The following CR2 variants were observed in gnomAD, a reference collection of about 807,000 sequenced individuals.
The protein encoded by CR2 is complement receptor type 2.
In CR2, 96 loss-of-function variants were observed where a neutral mutation model predicts 123.0. The ratio of observed to expected loss-of-function variants is 0.78; its 90% CI spans 0.66 to 0.93. CR2 has a LOEUF of 0.93. Among genes scored for constraint, CR2 ranks in the 40% least tolerant of loss-of-function variants. The pLI is 0.00. For missense variants in CR2, 1,258 were observed against 1,361.0 expected (o/e 0.92, Z 1.19); for synonymous variants, 484 against 469.5 (o/e 1.03, Z -0.40).
chr1:207,477,852 GA>G, intron 15 of CR2, 32 bp from the exon 16 acceptor site: 1 of 1,606,672 alleles, frequency 6.2e-7, no homozygotes, highest in South Asian at 1.1e-5. Flanking sequence ...GCCAAAATAT[GA>G]CTGTGCTTGA....
chr1:207,483,555 G>GTTT (rs35426473), intron 18 of CR2, among the ~76,000 whole-genome samples: 2 of 151,158 alleles, frequency 1.3e-5, no homozygotes, highest in African/African-American at 4.9e-5. Flanking sequence ...ACTGCACACT[G>GTTT]TTTTTTTTTC....
chr1:207,478,525 C>CAAAAAAAAAAAAA (rs36116544), intron 16 of CR2, among the ~76,000 whole-genome samples: 2 of 58,740 alleles, frequency 3.4e-5, no homozygotes, highest in Non-Finnish European at 6.4e-5. Context: ...AAGACCCTAT[C>CAAAAAAAAAAAAA]AAAAAAAAAA....
At chr1:207,467,846 T>A (rs1239608870) in intron 2 of CR2, among the ~76,000 whole-genome samples, 1 of 152,206 alleles carries the variant, frequency 6.6e-6, no homozygotes, top group East Asian at 1.9e-4. Context: ...AGGCATAGAA[T>A]ATGTATTAGT....
intron 18 of CR2, among the ~76,000 whole-genome samples, chr1:207,482,195 G>T (rs956172280): frequency 1.3e-5 from 2 of 151,850 alleles, no homozygotes; most frequent in African/African-American, 4.8e-5. Flanking sequence ...GAAAAATCTT[G>T]TTTCCCTTCT....
rs1182797673 is a variant in CR2 at position 207,454,418 on chromosome 1, C to T, written c.-1C>T. On this transcript the variant is annotated 5_prime_UTR_variant, in exon 1 of 20. Transcript: ENST00000367057. The surrounding 1 kb of genome is among the most constrained non-coding windows in gnomAD (Gnocchi z 4.3). Reference sequence around the variant, plus strand: ...CCCGCCGCGGGGGCTTCGGCCGTGGCATGGGCGCCGCGGGCCTGCTCGGGG... The same window carrying T: ...CCCGCCGCGGGGGCTTCGGCCGTGGTATGGGCGCCGCGGGCCTGCTCGGGG... 1 of 1,582,018 alleles carries T rather than the reference C, an allele frequency of 6.3e-7. No individual in the cohort carries two copies. Among genetic ancestry groups the T allele is most frequent in the Non-Finnish European group, 8.5e-7 (1 of 1,171,114 alleles).
At chr1:207,477,580 A>G (rs903791301) in intron 15 of CR2, among the ~76,000 whole-genome samples, 2 of 152,224 alleles carry the variant, frequency 1.3e-5, no homozygotes, top group African/African-American at 4.8e-5. Flanking sequence ...ATACTTCATA[A>G]TATTACCAAT....
At chr1:207,473,980 C>T in intron 12 of CR2, 95 bp downstream of exon 12, 1 of 1,151,586 alleles carries the variant, frequency 8.7e-7, no homozygotes, top group South Asian at 1.3e-5. Context: ...CCTTTAGAGG[C>T]TCCTCATTGT....
intron 1 of CR2, among the ~76,000 whole-genome samples, chr1:207,458,300 C>G (rs891574415): frequency 6.7e-6 from 1 of 150,116 alleles, no homozygotes; most frequent in African/African-American, 2.5e-5. Flanking sequence ...TGGCCCTAAA[C>G]TGTACTCTTT....
chr1:207,474,211 G>A (rs765097916), intron 12 of CR2, 30 bp from the exon 13 acceptor site: 10 of 1,513,766 alleles, frequency 6.6e-6, no homozygotes, highest in South Asian at 1.1e-5. Flanking sequence ...ATTGGGAACA[G>A]GAAATGCATT....
chr1:207,477,793 G>A, intron 15 of CR2, 92 bp from the exon 16 acceptor site: 2 of 1,181,064 alleles, frequency 1.7e-6, no homozygotes, highest in Non-Finnish European at 2.5e-6. Flanking sequence ...AAACAGGTTG[G>A]TTTTATAAAT....
intron 1 of CR2, among the ~76,000 whole-genome samples, chr1:207,465,589 A>G (rs1658077748): frequency 6.6e-6 from 1 of 152,190 alleles, no homozygotes; most frequent in Non-Finnish European, 1.5e-5. Context: ...CCTTACTGAA[A>G]CCAAGTATAG....
intron 4 of CR2, 74 bp downstream of exon 4, chr1:207,468,973 A>C: frequency 6.5e-7 from 1 of 1,526,884 alleles, no homozygotes. Context: ...TGAAACCTGC[A>C]GAAGTCTCCT....
intron 18 of CR2, 71 bp downstream of exon 18, chr1:207,480,124 C>A: frequency 3.8e-6 from 4 of 1,043,254 alleles, no homozygotes; most frequent in Non-Finnish European, 6.0e-6. Context: ...TGAAACTAAA[C>A]ACAGAAGCAC....
At chr1:207,484,066 A>T (rs1658680682) in intron 18 of CR2, among the ~76,000 whole-genome samples, 1 of 152,208 alleles carries the variant, frequency 6.6e-6, no homozygotes, top group Non-Finnish European at 1.5e-5. Context: ...GTCACAAGAT[A>T]ATTTCAGCCA....
chr1:207,480,751 C>T (rs887048924), intron 18 of CR2, among the ~76,000 whole-genome samples: 4 of 152,070 alleles, frequency 2.6e-5, no homozygotes, highest in African/African-American at 9.7e-5. Context: ...AACCCCTTTT[C>T]CTGCTTCATT....
chr1:207,488,306 A>G (rs1212150255), intron 19 of CR2, among the ~76,000 whole-genome samples: 1 of 152,190 alleles, frequency 6.6e-6, no homozygotes, highest in Admixed American at 6.5e-5. Context: ...CTGAGTTTAA[A>G]CTGCTTTCTC....
Position 207,474,826 on chromosome 1 carries a change from A to T in CR2, c.2326A>T (p.Ile776Phe), listed in dbSNP as rs1299420078. ...WFKKIPLCKV[I>F]HCHPPPVIVN... Reference sequence around the variant, plus strand: ...AACTCCCTAAATCTCTTCTGCAGTTATTCACTGTCACCCTCCACCAGTGAT... The same window carrying T: ...AACTCCCTAAATCTCTTCTGCAGTTTTTCACTGTCACCCTCCACCAGTGAT... Residue 776 changes from isoleucine (I) to phenylalanine (F), a missense_variant and splice_region_variant, in exon 14 of 20, where the codon ATT (isoleucine) becomes TTT (phenylalanine). Ile to Phe is a conservative substitution (Grantham distance 21). Coordinates refer to ENST00000367057, the MANE Select transcript of CR2 (RefSeq NM_001006658.3). The T allele has an allele frequency of 6.2e-7, 1 of 1,613,894 alleles. No homozygotes were observed. The highest frequency in any genetic ancestry group is 8.5e-7 in the Non-Finnish European group (1 of 1,179,920).
chr1:207,471,175 T>C, intron 8 of CR2, 88 bp downstream of exon 8: 1 of 1,310,900 alleles, frequency 7.6e-7, no homozygotes, highest in Non-Finnish European at 1.1e-6. Context: ...CAGTACACCC[T>C]GCAAGCTCTA....
intron 1 of CR2, among the ~76,000 whole-genome samples, chr1:207,459,036 T>C (rs2102295484): frequency 6.6e-6 from 1 of 152,322 alleles, no homozygotes; most frequent in African/African-American, 2.4e-5. Context: ...GAATTGTGTG[T>C]ATATTCAAGG....
Sources: allele counts gnomAD v4.1 joint callset (sites outside exome capture counted in the v4.1 genomes callset), GRCh38; gene constraint gnomAD v4.1.1; non-coding constraint Gnocchi (gnomAD v3.1); transcripts MANE v1.5; gene names NCBI Gene and HGNC (gene_info 2026-07-23, HGNC 2026-07-21).